NR3C2: variants seen among roughly 807,000 people sequenced by gnomAD.
NR3C2 encodes mineralocorticoid receptor.
In NR3C2, 15 loss-of-function variants were observed where a neutral mutation model predicts 86.4. The observed-to-expected ratio is 0.17, with a 90% CI of 0.12 to 0.27. The LOEUF is 0.27. NR3C2 is among the 10% of genes least tolerant of loss of function. NR3C2 has a pLI of 1.00. For synonymous variants in NR3C2, 458 were observed against 450.5 expected (o/e 1.02, Z -0.21); for missense variants, 960 against 1,195.6 (o/e 0.80, Z 2.91).
intron 8 of NR3C2, among the ~76,000 whole-genome samples, chr4:148,089,863 G>A (rs1049295289): frequency 6.6e-6 from 1 of 152,216 alleles, no homozygotes; most frequent in East Asian, 1.9e-4. Context: ...CGCAGCGCTC[G>A]GGACCTCGAT....
chr4:148,324,721 G>A (rs1432618249), intron 2 of NR3C2, among the ~76,000 whole-genome samples: 1 of 152,060 alleles, frequency 6.6e-6, no homozygotes, highest in Non-Finnish European at 1.5e-5. Context: ...ATGAGGTGAT[G>A]GATATAATAA....
intron 2 of NR3C2, among the ~76,000 whole-genome samples, chr4:148,430,029 T>C (rs1192939331): frequency 6.6e-6 from 1 of 152,160 alleles, no homozygotes; most frequent in Admixed American, 6.5e-5. Context: ...CCTAAATTAG[T>C]GGTGATCAAT....
intron 3 of NR3C2, among the ~76,000 whole-genome samples, chr4:148,250,139 A>T (rs992447069): frequency 1.3e-5 from 2 of 152,192 alleles, no homozygotes; most frequent in Admixed American, 6.5e-5. Flanking sequence ...ATCTCTAGAA[A>T]ACTCATTATC....
chr4:148,108,415 C>G (rs1297135064), intron 8 of NR3C2, among the ~76,000 whole-genome samples: 3 of 152,150 alleles, frequency 2.0e-5, no homozygotes, highest in Non-Finnish European at 4.4e-5. Context: ...GTCAATGATA[C>G]TTAATGCCCT....
At chr4:148,198,615 GAGTAATGCCTACTTTCTATATTATTAAA>G (rs148454378) in intron 3 of NR3C2, among the ~76,000 whole-genome samples, 7,445 of 151,662 alleles carry the variant, frequency 0.049, 339 homozygotes, top group African/African-American at 0.11. Flanking sequence ...AAAATGCAAA[GAGTAATGCCTACTTTCTATATTATTAAA>G]TGGTTTCAAA....
chr4:148,396,622 T>C (rs1747874026), intron 2 of NR3C2, among the ~76,000 whole-genome samples: 2 of 152,218 alleles, frequency 1.3e-5, no homozygotes, highest in Admixed American at 1.3e-4. Context: ...TGGGATGTTT[T>C]TCAACCTGAA....
intron 3 of NR3C2, among the ~76,000 whole-genome samples, chr4:148,246,795 C>T (rs1419013540): frequency 2.6e-5 from 4 of 152,104 alleles, no homozygotes; most frequent in Non-Finnish European, 4.4e-5. Context: ...TCAAGTGATC[C>T]GCCCCGCCTT....
At chr4:148,156,656 C>T (rs1211022629) in intron 4 of NR3C2, among the ~76,000 whole-genome samples, 2 of 151,218 alleles carry the variant, frequency 1.3e-5, no homozygotes, top group African/African-American at 2.4e-5. Flanking sequence ...CAGGAAACAA[C>T]AGGTGCTGGA....
At chr4:148,160,749 A>G (rs1433580142) in intron 4 of NR3C2, among the ~76,000 whole-genome samples, 1 of 152,190 alleles carries the variant, frequency 6.6e-6, no homozygotes, top group Non-Finnish European at 1.5e-5. Context: ...AAATGTAATT[A>G]CTGCCCACAA....
intron 2 of NR3C2, among the ~76,000 whole-genome samples, chr4:148,324,981 A>G (rs561686520): frequency 6.6e-5 from 10 of 152,216 alleles, no homozygotes; most frequent in South Asian, 4.1e-4. Flanking sequence ...GAGAAAACCA[A>G]TATCATATTA....
At chr4:148,441,783 G>A (rs1366809043) in intron 1 of NR3C2, among the ~76,000 whole-genome samples, 1 of 152,124 alleles carries the variant, frequency 6.6e-6, no homozygotes, top group East Asian at 1.9e-4. Flanking sequence ...CTACACCTCC[G>A]GCTGAGATTT....
chr4:148,308,165 G>A (rs1361169059), intron 2 of NR3C2, among the ~76,000 whole-genome samples: 1 of 152,114 alleles, frequency 6.6e-6, no homozygotes, highest in African/African-American at 2.4e-5. Context: ...GTGTCTCTCA[G>A]GCTTGAGGGT....
intron 6 of NR3C2, among the ~76,000 whole-genome samples, chr4:148,127,591 G>A (rs1732812537): frequency 6.6e-6 from 1 of 152,304 alleles, no homozygotes; most frequent in Non-Finnish European, 1.5e-5. Context: ...GTAACTAACA[G>A]CTGCTAGTCT....
chr4:148,330,162 C>G (rs1579167369), intron 2 of NR3C2, among the ~76,000 whole-genome samples: 3 of 152,210 alleles, frequency 2.0e-5, no homozygotes, highest in African/African-American at 7.2e-5. Context: ...CTTTTAACAC[C>G]TCGACACTGT....
chr4:148,300,864 G>A (rs571309367), intron 2 of NR3C2, among the ~76,000 whole-genome samples: 46 of 152,184 alleles, frequency 3.0e-4, no homozygotes, highest in African/African-American at 9.4e-4. Flanking sequence ...GAGCCACCGC[G>A]CCCGACCTTG....
At chr4:148,263,832 C>T (rs1014072225) in intron 2 of NR3C2, among the ~76,000 whole-genome samples, 7 of 152,200 alleles carry the variant, frequency 4.6e-5, no homozygotes, top group Non-Finnish European at 8.8e-5. Context: ...TACCACTCTC[C>T]CTTCTCCTAA....
chr4:148,435,715 A>G lies in NR3C2; in HGVS notation c.1146T>C (p.Ser382=). The G allele has an allele frequency of 6.2e-7, 1 of 1,614,028 alleles. No individual in the cohort carries two copies. The highest frequency in any genetic ancestry group is 2.2e-5 in the East Asian group (1 of 44,864). ...GGCCAGTCACACCATTTGAGATGGC[A>G]CTCTCTACTTCCTCAGTCTTAGGAA... ...VPFPKTEEVE[S]AISNGVTGQL... is the part of the protein sequence containing the mutation. The change falls in exon 2 of 9, where the codon AGT becomes AGC. Residue 382 remains serine, a synonymous_variant. Coordinates refer to ENST00000358102, the MANE Select transcript of NR3C2 (RefSeq NM_000901.5).
At chr4:148,154,419 T>G (rs1386026990) in intron 5 of NR3C2, 132 bp downstream of exon 5, 2 of 851,834 alleles carry the variant, frequency 2.3e-6, no homozygotes, top group African/African-American at 3.3e-5. Context: ...ATCAATTTGT[T>G]ATCAATTTAA....
chr4:148,393,816 A>T (rs1747713721), intron 2 of NR3C2, among the ~76,000 whole-genome samples: 1 of 152,200 alleles, frequency 6.6e-6, no homozygotes, highest in Non-Finnish European at 1.5e-5. Context: ...TCTTGACTGG[A>T]ATACTCTGAA....
Sources: allele counts gnomAD v4.1 joint callset (sites outside exome capture counted in the v4.1 genomes callset), GRCh38; gene constraint gnomAD v4.1.1; transcripts MANE v1.5; gene names NCBI Gene and HGNC (gene_info 2026-07-23, HGNC 2026-07-21).